SCD5: variants seen among roughly 807,000 people sequenced by gnomAD.
SCD5 encodes the protein stearoyl-CoA desaturase 5, also known as acyl-CoA-desaturase 4.
In SCD5, 20 loss-of-function variants were observed where a neutral mutation model predicts 30.4. The observed-to-expected ratio is 0.66, with a 90% CI of 0.46 to 0.96. The LOEUF (loss-of-function observed/expected upper bound fraction) is 0.96. SCD5 is among the 40% of genes least tolerant of loss of function. The pLI is 0.00. For synonymous variants in SCD5, 173 were observed against 176.4 expected (o/e 0.98, Z 0.16); for missense variants, 381 against 443.3 (o/e 0.86, Z 1.26).
chr4:82,679,373 G>A (rs1000604251), intron 3 of SCD5, among the ~76,000 whole-genome samples: 7 of 151,936 alleles, frequency 4.6e-5, no homozygotes, highest in Admixed American at 1.3e-4. Context: ...AATTGATACC[G>A]GGTGTTTTCA....
At chr4:82,679,226 A>AAGAAAGAAAGAGAGAG (rs1560531608) in intron 3 of SCD5, among the ~76,000 whole-genome samples, 2 of 90,288 alleles carry the variant, frequency 2.2e-5, no homozygotes, top group African/African-American at 4.2e-5. Flanking sequence ...AAAGAAAAGA[A>AAGAAAGAAAGAGAGAG]AGAAAGAAAG....
intron 1 of SCD5, among the ~76,000 whole-genome samples, chr4:82,754,843 A>G (rs1391294359): frequency 2.0e-5 from 3 of 152,116 alleles, no homozygotes; most frequent in Non-Finnish European, 4.4e-5. Context: ...TTCACTTCTT[A>G]TATCGGCAGA....
At chr4:82,747,746 T>G (rs1578050639) in intron 1 of SCD5, among the ~76,000 whole-genome samples, 1 of 152,332 alleles carries the variant, frequency 6.6e-6, no homozygotes, top group South Asian at 2.1e-4. Flanking sequence ...ATTGGCCAAC[T>G]GTCTTTGCAC....
At chr4:82,704,171 A>AT (rs1719919813) in intron 2 of SCD5, among the ~76,000 whole-genome samples, 2 of 152,232 alleles carry the variant, frequency 1.3e-5, no homozygotes, top group Non-Finnish European at 2.9e-5. Flanking sequence ...ATGAATTCTG[A>AT]GCTACAAGAG....
At chr4:82,792,810 A>C (rs1463001588) in intron 1 of SCD5, among the ~76,000 whole-genome samples, 1 of 152,354 alleles carries the variant, frequency 6.6e-6, no homozygotes, top group Admixed American at 6.5e-5. Flanking sequence ...GAGGCTCACA[A>C]ACTGTAAAGA....
chr4:82,686,512 T>C (rs563817175), intron 2 of SCD5, among the ~76,000 whole-genome samples: 22 of 152,326 alleles, frequency 1.4e-4, no homozygotes, highest in Non-Finnish European at 1.5e-4. Flanking sequence ...GAAATCATGG[T>C]TGTGTTCAGA....
At chr4:82,770,281 G>A (rs1269325209) in intron 1 of SCD5, among the ~76,000 whole-genome samples, 4 of 152,018 alleles carry the variant, frequency 2.6e-5, no homozygotes, top group African/African-American at 4.8e-5. Context: ...GAGAACATGC[G>A]GGTCACACCC....
intron 1 of SCD5, among the ~76,000 whole-genome samples, chr4:82,729,721 A>G (rs913042493): frequency 3.9e-5 from 6 of 152,290 alleles, no homozygotes; most frequent in Non-Finnish European, 7.4e-5. Flanking sequence ...GATACAAAAG[A>G]GCTCTCTGCC....
intron 2 of SCD5, among the ~76,000 whole-genome samples, chr4:82,690,509 C>G (rs1322937968): frequency 6.6e-6 from 1 of 152,224 alleles, no homozygotes; most frequent in Non-Finnish European, 1.5e-5. Flanking sequence ...TTCTACTCTA[C>G]CACCCTTGTT....
At chr4:82,795,965 G>A (rs1434978693) in intron 1 of SCD5, among the ~76,000 whole-genome samples, 1 of 150,910 alleles carries the variant, frequency 6.6e-6, no homozygotes, top group Non-Finnish European at 1.5e-5. Flanking sequence ...GGCAATGAAG[G>A]TGGGGAGAGA....
intron 2 of SCD5, among the ~76,000 whole-genome samples, chr4:82,693,115 C>T (rs111634296): frequency 2.0e-5 from 3 of 152,200 alleles, no homozygotes; most frequent in Admixed American, 1.3e-4. Context: ...AGGGCAGGGC[C>T]GGGTTTGCTC....
chr4:82,682,947 G>C (rs6535378), intron 2 of SCD5, among the ~76,000 whole-genome samples: 121,780 of 152,122 alleles, frequency 0.8, 48,956 homozygotes, highest in Middle Eastern at 0.87. Flanking sequence ...TCCCGAATAG[G>C]TGGGATTATA....
intron 1 of SCD5, among the ~76,000 whole-genome samples, chr4:82,726,272 C>T (rs1435813035): frequency 1.3e-5 from 2 of 152,080 alleles, no homozygotes; most frequent in Non-Finnish European, 2.9e-5. Context: ...ACAAAATTAG[C>T]CGGGCGTGGT....
chr4:82,647,757 C>T (rs540746582), intron 3 of SCD5, among the ~76,000 whole-genome samples: 34 of 151,696 alleles, frequency 2.2e-4, no homozygotes, highest in Middle Eastern at 3.4e-3. Flanking sequence ...GTAAAAACTC[C>T]GGAAGATAAT....
intron 1 of SCD5, among the ~76,000 whole-genome samples, chr4:82,744,211 C>A (rs569745862): frequency 6.6e-6 from 1 of 152,158 alleles, no homozygotes; most frequent in Non-Finnish European, 1.5e-5. Context: ...CAATTTCTCC[C>A]AAATATGTTT....
chr4:82,651,193 C>A (rs1267474281), intron 3 of SCD5, among the ~76,000 whole-genome samples: 1 of 152,072 alleles, frequency 6.6e-6, no homozygotes, highest in Non-Finnish European at 1.5e-5. Context: ...TCTTGGGGAC[C>A]CACTGACCAA....
At chr4:82,637,899 A>T (rs1727466562) in intron 3 of SCD5, among the ~76,000 whole-genome samples, 1 of 151,878 alleles carries the variant, frequency 6.6e-6, no homozygotes, top group South Asian at 2.1e-4. Context: ...CCCAGGATTC[A>T]TGTGCAGGAC....
chr4:82,646,124 C>T (rs1727630264), intron 3 of SCD5, among the ~76,000 whole-genome samples: 1 of 152,166 alleles, frequency 6.6e-6, no homozygotes, highest in Admixed American at 6.5e-5. Context: ...ATTACAGCCC[C>T]ACAAATGCAC....
At chr4:82,684,525 G>A (rs1229272569) in intron 2 of SCD5, among the ~76,000 whole-genome samples, 1 of 152,194 alleles carries the variant, frequency 6.6e-6, no homozygotes, top group Non-Finnish European at 1.5e-5. Flanking sequence ...TTGGGAGTGG[G>A]TGGGTAGGGG....
Sources: gnomAD v4.1 joint callset for allele counts (sites outside exome capture counted in the v4.1 genomes callset) on GRCh38, gnomAD v4.1.1 for gene constraint, MANE v1.5 for transcripts, NCBI Gene and HGNC (gene_info 2026-07-23, HGNC 2026-07-21) for gene names.